RIMKLB: variants seen among roughly 807,000 people sequenced by gnomAD.
RIMKLB encodes ribosomal modification protein rimK like family member B.
A neutral mutation model predicts 32.0 loss-of-function variants in RIMKLB; 7 were observed. That is an observed-to-expected ratio of 0.22 (90% CI 0.12 to 0.41). RIMKLB has a LOEUF of 0.41. Among genes scored for constraint, RIMKLB ranks in the 10% least tolerant of loss-of-function variants. RIMKLB has a pLI of 1.00. For synonymous variants in RIMKLB, 172 were observed against 185.1 expected, an observed-to-expected ratio of 0.93 and a Z score of 0.57; for missense variants, 289 against 498.7, an observed-to-expected ratio of 0.58 and a Z score of 4.00.
At chr12:8,726,143 C>T (rs1056503563) in intron 2 of RIMKLB, among the ~76,000 whole-genome samples, 3 of 152,228 alleles carry the variant, frequency 2.0e-5, no homozygotes, top group South Asian at 2.1e-4. Context: ...CCACTGTGCC[C>T]GGCCCAGGTT....
chr12:8,672,699 A>T, the RIMKLB span, among the ~76,000 whole-genome samples: 1 of 152,102 alleles, frequency 6.6e-6, no homozygotes, highest in Non-Finnish European at 1.5e-5. Context: ...GGGTGGGGAC[A>T]CAACCAAACC....
downstream of RIMKLB, chr12:8,780,714 A>G (rs1293701759): frequency 6.6e-6 from 1 of 152,196 alleles, no homozygotes; most frequent in Admixed American, 6.5e-5. Context: ...AACAGGACTA[A>G]GATTCCTGCA....
At chr12:8,671,828 C>T in the RIMKLB span, among the ~76,000 whole-genome samples, 1 of 152,014 alleles carries the variant, frequency 6.6e-6, no homozygotes, top group Non-Finnish European at 1.5e-5. Flanking sequence ...TGGAGAATTG[C>T]TTGAACCCGG....
intron 5 of RIMKLB, among the ~76,000 whole-genome samples, chr12:8,759,222 C>G (rs970902654): frequency 6.6e-6 from 1 of 152,018 alleles, no homozygotes; most frequent in Non-Finnish European, 1.5e-5. Context: ...TGGTGAAACC[C>G]CATCTCTACT....
At chr12:8,773,242 C>T (rs1477977692) in intron 5 of RIMKLB, 79 bp from the exon 6 acceptor site, 3 of 985,060 alleles carry the variant, frequency 3.0e-6, no homozygotes, top group African/African-American at 3.2e-5. Context: ...AGAAGAAAGG[C>T]TTAGCCTTGG....
intron 1 of RIMKLB, among the ~76,000 whole-genome samples, chr12:8,701,159 G>A (rs763686247): frequency 2.0e-5 from 3 of 152,302 alleles, no homozygotes; most frequent in Admixed American, 6.5e-5. Flanking sequence ...AATGTTAGCT[G>A]TGCTGATATG....
chr12:8,694,727 A>C (rs1417404614), upstream of RIMKLB, among the ~76,000 whole-genome samples: 2 of 152,160 alleles, frequency 1.3e-5, no homozygotes, highest in Non-Finnish European at 2.9e-5. Flanking sequence ...TAGGAATAAG[A>C]GCAAAAATCT....
upstream of RIMKLB, among the ~76,000 whole-genome samples, chr12:8,695,051 CTG>C (rs1023314662): frequency 6.6e-6 from 1 of 152,102 alleles, no homozygotes; most frequent in African/African-American, 2.4e-5. Flanking sequence ...GATGAGAAAA[CTG>C]AGGTTTATGG....
chr12:8,727,416 T>G (rs898407301), intron 2 of RIMKLB, among the ~76,000 whole-genome samples: 5 of 152,168 alleles, frequency 3.3e-5, no homozygotes, highest in Admixed American at 2.0e-4. Context: ...TGTATTTCTT[T>G]AGTAGAGATA....
chr12:8,746,880 A>G (rs1948142958), intron 2 of RIMKLB, among the ~76,000 whole-genome samples: 2 of 152,280 alleles, frequency 1.3e-5, no homozygotes, highest in South Asian at 2.1e-4. Context: ...AACTAGGGCT[A>G]CAGACACACA....
chr12:8,682,803 T>TAA (rs34405359), intron 1 of RIMKLB, among the ~76,000 whole-genome samples: 33,334 of 132,318 alleles, frequency 0.25, 4,668 homozygotes, highest in Non-Finnish European at 0.31. Context: ...ATAAATAAAT[T>TAA]AAAAAAAAAA....
chr12:8,730,830 C>T (rs1482998422), intron 2 of RIMKLB, among the ~76,000 whole-genome samples: 13 of 151,754 alleles, frequency 8.6e-5, no homozygotes, highest in Non-Finnish European at 1.9e-4. Context: ...ACCTCCTCCT[C>T]CCAGGTTCCA....
chr12:8,733,506 T>A (rs973454477), intron 2 of RIMKLB, among the ~76,000 whole-genome samples: 1 of 152,144 alleles, frequency 6.6e-6, no homozygotes, highest in African/African-American at 2.4e-5. Flanking sequence ...TGAAATTGCT[T>A]TAAGTCTGAA....
At chr12:8,746,318 T>G (rs1948082586) in intron 2 of RIMKLB, among the ~76,000 whole-genome samples, 1 of 151,616 alleles carries the variant, frequency 6.6e-6, no homozygotes, top group African/African-American at 2.4e-5. Context: ...AGAAATGATA[T>G]CAAGGGCCGG....
In RIMKLB at chr12:8,776,275, A is replaced by G. The variant is rs1950721841; in HGVS notation, c.*2491A>G. The G allele has an allele frequency of 1.1e-5, 11 of 978,032 alleles. No individual in the cohort carries two copies. Among genetic ancestry groups the G allele is most frequent in the Admixed American group, 1.2e-4 (2 of 16,230 alleles). The allele number at this position is 978,032 out of a possible 1,614,324, so 60.6% of individuals were successfully genotyped here. ...ACATGATATTAAAACGTACACTCACATGTTAGAATGAAAAGAGCAGTAGTT... is the reference window on the plus strand; with the variant it reads ...ACATGATATTAAAACGTACACTCACGTGTTAGAATGAAAAGAGCAGTAGTT... On this transcript the variant is annotated 3_prime_UTR_variant, in exon 6 of 6. Coordinates refer to ENST00000535829, the MANE Select transcript of RIMKLB (RefSeq NM_001297776.2).
chr12:8,711,198 C>T (rs986752176), intron 1 of RIMKLB, among the ~76,000 whole-genome samples: 13 of 151,752 alleles, frequency 8.6e-5, no homozygotes, highest in African/African-American at 1.5e-4. Context: ...TGCGCCACTG[C>T]ACTCCAGCCT....
At chr12:8,778,407 C>T (rs189149808), downstream of RIMKLB, among the ~76,000 whole-genome samples, 178 of 152,098 alleles carry the variant, frequency 1.2e-3, 3 homozygotes, top group Non-Finnish European at 2.8e-4. Flanking sequence ...CAGAACTAAT[C>T]GTTTTAGCAT....
chr12:8,775,643 A>G lies in RIMKLB; in HGVS notation c.*1859A>G, dbSNP rs1474969851. ...CTATAACAGAGGTTTGATCATGCTT[A>G]CTTGTACAGTTTTTCCCCCGTTTTA... On this transcript the variant is annotated 3_prime_UTR_variant, in exon 6 of 6. Transcript: ENST00000535829. 9 of 985,702 alleles carry G rather than the reference A, an allele frequency of 9.1e-6. No homozygotes were observed. Among genetic ancestry groups the G allele is most frequent in the East Asian group, 1.1e-4 (1 of 8,836 alleles). The allele number at this position is 985,702 out of a possible 1,614,324, so 61.1% of individuals were successfully genotyped here. A position where few individuals can be genotyped will look rare whatever the true frequency, so the allele number is the denominator to read the frequency against.
At chr12:8,679,508 G>A (rs556499397), upstream of RIMKLB, 60 of 166,500 alleles carry the variant, frequency 3.6e-4, no homozygotes, top group South Asian at 0.01. Flanking sequence ...TCTTTGAAAT[G>A]TGCAGCAGAT....
Sources: allele counts gnomAD v4.1 joint callset (sites outside exome capture counted in the v4.1 genomes callset), GRCh38; gene constraint gnomAD v4.1.1; transcripts MANE v1.5; gene names NCBI Gene and HGNC (gene_info 2026-07-23, HGNC 2026-07-21).